Variants in IGLON5 observed in about 807,000 individuals in gnomAD.
IGLON5 encodes IgLON family member 5, also known as Ig-like domain-containing protein ENSP00000270642.
Under a neutral mutation model 38.2 loss-of-function variants are expected in IGLON5, and 16 were observed. The observed-to-expected ratio is 0.42, with a 90% CI of 0.28 to 0.64. IGLON5 has a LOEUF of 0.64. Among genes scored for constraint, IGLON5 ranks in the 30% least tolerant of loss-of-function variants. IGLON5 has a pLI of 0.23. For synonymous variants in IGLON5, 207 were observed against 216.4 expected, an observed-to-expected ratio of 0.96 and a Z score of 0.38; for missense variants, 366 against 483.4, an observed-to-expected ratio of 0.76 and a Z score of 2.28.
In IGLON5 at chr19:51,325,394, G is replaced by A. The variant is rs768024655; in HGVS notation, c.440G>A (p.Gly147Glu). The A allele has an allele frequency of 1.7e-5, 27 of 1,613,838 alleles. No individual in the cohort carries two copies. Among genetic ancestry groups the A allele is most frequent in the Non-Finnish European group, 2.3e-5 (27 of 1,179,814 alleles). The change falls in exon 4 of 8, where the codon GGG becomes GAG. Residue 147 changes from glycine to glutamate, a missense_variant. Physicochemically the swap from Gly to Glu is moderately conservative, Grantham distance 98. Transcript: ENST00000270642. The surrounding 1 kb of genome is among the most constrained non-coding windows in gnomAD (Gnocchi z 5.5). ...TCGTCGCCTGTGACGGTGAATGAGGGGGGCAATGTGAACCTGCTTTGCCTG... is the reference window on the plus strand; with the variant it reads ...TCGTCGCCTGTGACGGTGAATGAGGAGGGCAATGTGAACCTGCTTTGCCTG... ...NISSPVTVNEGGNVNLLCLAV... is the reference protein window; with the variant it reads ...NISSPVTVNEEGNVNLLCLAV...
intron 1 of IGLON5, among the ~76,000 whole-genome samples, chr19:51,313,897 T>A (rs981460189): frequency 6.6e-6 from 1 of 151,612 alleles, no homozygotes; most frequent in Non-Finnish European, 1.5e-5. Flanking sequence ...AATTTTTAAT[T>A]TTTTTTCTTT....
chr19:51,316,259 C>T (rs1321098838), intron 1 of IGLON5, among the ~76,000 whole-genome samples: 3 of 147,860 alleles, frequency 2.0e-5, no homozygotes, highest in Admixed American at 6.7e-5. Context: ...GCAGGAGAAT[C>T]GCTTGAGCCT....
intron 1 of IGLON5, among the ~76,000 whole-genome samples, chr19:51,318,321 AC>A (rs1984971717): frequency 6.6e-6 from 1 of 152,108 alleles, no homozygotes; most frequent in African/African-American, 2.4e-5. Context: ...ACCAAGATTT[AC>A]CCCCAAGAAA....
rs1353171547 is a variant in IGLON5, at chr19:51,330,379, T to C, written c.*1620T>C. 6.6e-6 allele frequency: 1 copy of C among 152,272 alleles called. No homozygotes were observed. The highest frequency in any genetic ancestry group is 1.5e-5 in the Non-Finnish European group (1 of 68,086). 9.4% of individuals were successfully genotyped at this position (152,272 alleles called of 1,614,324 possible). On this transcript the variant is annotated 3_prime_UTR_variant, in exon 8 of 8. Transcript: ENST00000270642. ...AGTCTGCCTGCAGGTGTCAATGTCATTAAGGATTAGAGTTAATGAAGGGCA... is the reference window on the plus strand; with the variant it reads ...AGTCTGCCTGCAGGTGTCAATGTCACTAAGGATTAGAGTTAATGAAGGGCA...
At chr19:51,323,066 T>C (rs1014025367) in intron 2 of IGLON5, among the ~76,000 whole-genome samples, 3 of 149,760 alleles carry the variant, frequency 2.0e-5, no homozygotes, top group African/African-American at 7.4e-5. Flanking sequence ...TCTTTCTCTC[T>C]GGGTGTCTGT....
At chr19:51,321,932 G>A (rs1309414383) in intron 1 of IGLON5, 132 bp from the exon 2 acceptor site, 4 of 740,456 alleles carry the variant, frequency 5.4e-6, no homozygotes, top group Non-Finnish European at 7.1e-6. Flanking sequence ...TGCACGTGTG[G>A]TGCATGTGTG....
chr19:51,313,688 T>C (rs1568456756), intron 1 of IGLON5, among the ~76,000 whole-genome samples: 1 of 82,026 alleles, frequency 1.2e-5, no homozygotes, highest in African/African-American at 5.8e-5. Context: ...TCTTTCTTTC[T>C]TTCTTTCTTC....
At chr19:51,322,182 C>G (rs757186277) in intron 2 of IGLON5, 40 bp downstream of exon 2, 1 of 1,491,734 alleles carries the variant, frequency 6.7e-7, no homozygotes, top group South Asian at 1.1e-5. Flanking sequence ...TCTCATGGAG[C>G]CATGCGGTCC....
chr19:51,322,200 T>C, intron 2 of IGLON5, 58 bp downstream of exon 2: 1 of 1,368,432 alleles, frequency 7.3e-7, no homozygotes, highest in South Asian at 1.2e-5. Context: ...TCCTGCCCCT[T>C]CACCTTCCTG....
At chr19:51,321,850 A>G (rs968967418) in intron 1 of IGLON5, among the ~76,000 whole-genome samples, 3 of 152,138 alleles carry the variant, frequency 2.0e-5, no homozygotes, top group African/African-American at 7.2e-5. Context: ...CTGTGTGTGT[A>G]TCTCTGAAAA....
chr19:51,313,659 C>CTT (rs1984833919), intron 1 of IGLON5, among the ~76,000 whole-genome samples: 1 of 72,134 alleles, frequency 1.4e-5, no homozygotes, highest in African/African-American at 8.2e-5. Context: ...TTCTTTCTTT[C>CTT]TTTCTTTCTT....
Position 51,328,705 on chromosome 19 carries a change from C to A in IGLON5, c.957C>A (p.Pro319=), listed in dbSNP as rs1401639750. 3 of 1,598,534 alleles carry A rather than the reference C, an allele frequency of 1.9e-6. No homozygotes were observed. In the East Asian group the frequency reaches 6.8e-5, roughly 36 times the overall value. ...PGSLENSAPR[P]PGLLALLSAL... Reference sequence around the variant, plus strand: ...CCCTGGAGAACTCAGCCCCGAGGCCCCCAGGGCTCCTGGCCCTCCTCTCCG... The same window carrying A: ...CCCTGGAGAACTCAGCCCCGAGGCCACCAGGGCTCCTGGCCCTCCTCTCCG... The change falls in exon 8 of 8, where the codon CCC becomes CCA. Residue 319 remains proline (P), a synonymous_variant. Transcript: ENST00000270642.
At chr19:51,319,546 T>A (rs1330940265) in intron 1 of IGLON5, among the ~76,000 whole-genome samples, 1 of 152,126 alleles carries the variant, frequency 6.6e-6, no homozygotes, top group African/African-American at 2.4e-5. Flanking sequence ...AGTAAGCGTG[T>A]GTGTGTGTCT....
rs1985195665 is a variant in IGLON5, at chr19:51,325,523, C to G, written c.511+58C>G. The G allele has an allele frequency of 1.3e-6, 2 of 1,513,256 alleles. No homozygotes were observed. Among genetic ancestry groups the G allele is most frequent in the Non-Finnish European group, 1.8e-6 (2 of 1,126,184 alleles). 93.7% of individuals were successfully genotyped at this position (1,513,256 alleles called of 1,614,324 possible). A position where few individuals can be genotyped will look rare whatever the true frequency, so the allele number is the denominator to read the frequency against. On this transcript the variant is annotated intron_variant, in intron 4 of 7. Coordinates refer to ENST00000270642, the MANE Select transcript of IGLON5 (RefSeq NM_001101372.3). This position sits in a 1 kb window ranked among gnomAD's most constrained non-coding sequence, Gnocchi z 5.5. ...CCCCCACTGCGCAGTCTGGGCCCCTCCATTCCCCATATCCCTAGCTAGTTT... is the reference window on the plus strand; with the variant it reads ...CCCCCACTGCGCAGTCTGGGCCCCTGCATTCCCCATATCCCTAGCTAGTTT...
At chr19:51,315,920 T>G (rs1386071153) in intron 1 of IGLON5, among the ~76,000 whole-genome samples, 1 of 151,896 alleles carries the variant, frequency 6.6e-6, no homozygotes, top group African/African-American at 2.4e-5. Context: ...GGTCTCGATC[T>G]CCTGACCTCA....
Position 51,327,591 on chromosome 19 carries a change from A to G in IGLON5, c.768-141A>G. On this transcript the variant is annotated intron_variant, in intron 6 of 7. Transcript: ENST00000270642. This position sits in a 1 kb window ranked among gnomAD's most constrained non-coding sequence, Gnocchi z 7.1. The stretch of plus-strand genomic sequence containing the variant: ...CGGCGGTGGGAGTGACCCGAGGTAC[A>G]TGAGGTGCTAGAACCCGAGGCGATG... 8.1e-7 allele frequency: 1 copy of G among 1,232,312 alleles called. No homozygotes were observed. Among genetic ancestry groups the G allele is most frequent in the Non-Finnish European group, 1.1e-6 (1 of 900,712 alleles). 76.3% of individuals were successfully genotyped at this position (1,232,312 alleles called of 1,614,324 possible). A position where few individuals can be genotyped will look rare whatever the true frequency, so the allele number is the denominator to read the frequency against.
At chr19:51,321,640 A>G (rs1360165978) in intron 1 of IGLON5, among the ~76,000 whole-genome samples, 4 of 152,098 alleles carry the variant, frequency 2.6e-5, no homozygotes, top group Non-Finnish European at 1.5e-5. Flanking sequence ...GTTTGTACAT[A>G]TGTCTCTGTA....
At chr19:51,313,063 C>T (rs1239163686) in intron 1 of IGLON5, among the ~76,000 whole-genome samples, 2 of 152,182 alleles carry the variant, frequency 1.3e-5, no homozygotes, top group Non-Finnish European at 2.9e-5. Context: ...AGAGAGGCCG[C>T]CCGCATAGAC....
At position 51,326,824 on chromosome 19, in the gene IGLON5, G is replaced by A; in HGVS notation, c.572G>A (p.Gly191Glu). The part of the protein sequence containing the change: ...EISDIQRGQA[G>E]EYECVTHNGV... ...TCTGACATCCAGCGGGGCCAGGCCGGGGAGTATGAGTGCGTGACTCACAAC... is the reference window on the plus strand; with the variant it reads ...TCTGACATCCAGCGGGGCCAGGCCGAGGAGTATGAGTGCGTGACTCACAAC... Residue 191 changes from glycine (G) to glutamate (E), a missense_variant, in exon 5 of 8, where the codon GGG becomes GAG. Transcript: ENST00000270642. 1.3e-6 allele frequency: 2 copies of A among 1,552,918 alleles called. No homozygotes were observed. Among genetic ancestry groups the A allele is most frequent in the Non-Finnish European group, 1.7e-6 (2 of 1,148,066 alleles).
Sources: gnomAD v4.1 joint callset for allele counts (sites outside exome capture counted in the v4.1 genomes callset) on GRCh38, gnomAD v4.1.1 for gene constraint, Gnocchi (gnomAD v3.1) non-coding constraint, MANE v1.5 for transcripts, NCBI Gene and HGNC (gene_info 2026-07-23, HGNC 2026-07-21) for gene names.